The following ZFR2 variants were observed in gnomAD, a reference collection of about 807,000 sequenced individuals.
ZFR2 encodes zinc finger RNA-binding protein 2.
A neutral mutation model predicts 105.7 loss-of-function variants in ZFR2; 104 were observed. The observed-to-expected ratio is 0.98, with a 90% CI of 0.84 to 1.16. ZFR2 has a LOEUF of 1.16. Ranked by LOEUF, ZFR2 falls within the 50% of genes most tolerant of loss-of-function variation. ZFR2 has a pLI of 0.00. For missense variants in ZFR2, 1,425 were observed against 1,355.5 expected, an observed-to-expected ratio of 1.05 and a Z score of -0.80; for synonymous variants, 634 against 597.7, an observed-to-expected ratio of 1.06 and a Z score of -0.89.
At chr19:3,829,264 G>A (rs1482628327) in intron 5 of ZFR2, among the ~76,000 whole-genome samples, 2 of 151,580 alleles carry the variant, frequency 1.3e-5, no homozygotes, top group East Asian at 3.9e-4. Context: ...GCCCAGCCTG[G>A]AATTTAGCAG....
In ZFR2 at chr19:3,813,390, C is replaced by T. The variant is rs1189021595; in HGVS notation, c.2242+430G>A. Among the ~76,000 whole-genome samples, 1 of 152,140 alleles carries T rather than the reference C, an allele frequency of 6.6e-6. No individual in the cohort carries two copies. The highest frequency in any genetic ancestry group is 6.5e-5 in the Admixed American group (1 of 15,268). ...TGGCTTTAAGACCCCCGATTCCCTACATTCCTAATCAGTGGCACTGGGACT... is the reference window on the plus strand; with the variant it reads ...TGGCTTTAAGACCCCCGATTCCCTATATTCCTAATCAGTGGCACTGGGACT... On this transcript the variant is annotated intron_variant, in intron 14 of 18. Transcript: ENST00000262961. The surrounding 1 kb of genome is among the most constrained non-coding windows in gnomAD (Gnocchi z 4.4).
intron 5 of ZFR2, 53 bp downstream of exon 5, chr19:3,831,250 C>T: frequency 2.1e-6 from 3 of 1,443,240 alleles, no homozygotes; most frequent in South Asian, 1.5e-5. Flanking sequence ...CGGGTTCAGA[C>T]GTTGGGGACA....
Position 3,844,052 on chromosome 19 carries a change from G to A in ZFR2, c.54-9069C>T, listed in dbSNP as rs2145174471. Among the ~76,000 whole-genome samples, 3 of 151,454 alleles carry A rather than the reference G, an allele frequency of 2.0e-5. 1 individual carries two copies. The South Asian group carries it at 6.3e-4, about 32-fold the overall frequency. ...CCAGGGACCGGGGAGGGGAAGGGGA[G>A]TGAGTGTTTCACGGGGACAGAGCTT... is the stretch of plus-strand genomic sequence containing the variant. On this transcript the variant is annotated intron_variant, in intron 1 of 18. Transcript: ENST00000262961.
In ZFR2 at chr19:3,831,820, G is replaced by T; in HGVS notation, c.438C>A (p.Pro146=). 6.2e-7 allele frequency: 1 copy of T among 1,607,830 alleles called. No homozygotes were observed. The highest frequency in any genetic ancestry group is 2.2e-5 in the East Asian group (1 of 44,830). ...ACTCCACTATGGGCGCCTGCTGTGG[G>T]GGCTGAGCGTGGCTGTGACTGCCAT... ...SPHGSHSHAQ[P]PQQAPIVESG... The change falls in exon 4 of 19, where the codon CCC becomes CCA. Residue 146 remains proline, a synonymous_variant. Coordinates refer to ENST00000262961, the MANE Select transcript of ZFR2 (RefSeq NM_015174.2).
In ZFR2 at chr19:3,808,894, C is replaced by A; in HGVS notation, c.2523G>T (p.Val841=). The A allele has an allele frequency of 6.4e-7, 1 of 1,557,866 alleles. No individual in the cohort carries two copies. The highest frequency in any genetic ancestry group is 1.9e-5 in the Admixed American group (1 of 52,636). The part of the protein sequence containing the change: ...GDAVRRVLEC[V]ATGTLLTDGP... ...GACCTGTCAGGAGCGTCCCTGTGGC[C>A]ACGCACTCCAGGACTCGCCTGACTG... Residue 841 remains valine, a synonymous_variant, in exon 17 of 19, where the codon GTG becomes GTT. Transcript: ENST00000262961.
At position 3,833,739 on chromosome 19, in the gene ZFR2, A is replaced by T. The variant is rs2038045893; in HGVS notation, c.304T>A (p.Tyr102Asn). 6.3e-7 allele frequency: 1 copy of T among 1,582,426 alleles called. No individual in the cohort carries two copies. The change falls in exon 3 of 19, where the codon TAT (tyrosine) becomes AAT (asparagine). Residue 102 changes from tyrosine (Y) to asparagine (N), a missense_variant. Physicochemically the swap from Tyr to Asn is moderately radical, Grantham distance 143. Transcript: ENST00000262961. ...SYGQSAAARS[Y>N]EDRPYFQSAA... ...GACTGGAAGTACGGCCTGTCCTCAT[A>T]GCTCCTGGCAGCTGCTGACTGTCCG...
chr19:3,863,271 G>A (rs2145196930), intron 1 of ZFR2, among the ~76,000 whole-genome samples: 1 of 152,272 alleles, frequency 6.6e-6, no homozygotes, highest in Admixed American at 6.5e-5. Flanking sequence ...TGGGGCTGCC[G>A]AGCCTGTTCT....
At chr19:3,811,169 G>C (rs2037759702) in intron 15 of ZFR2, 103 bp downstream of exon 15, 2 of 1,160,662 alleles carry the variant, frequency 1.7e-6, no homozygotes, top group Admixed American at 2.9e-5. Context: ...TCTGCGCTGG[G>C]AGCCCACGGG....
intron 1 of ZFR2, among the ~76,000 whole-genome samples, chr19:3,847,956 G>A (rs1224727984): frequency 2.0e-5 from 3 of 152,220 alleles, no homozygotes; most frequent in Non-Finnish European, 2.9e-5. Flanking sequence ...ACAGGATGGA[G>A]ACTGGGAGGA....
At chr19:3,866,573 T>C (rs377325411) in intron 1 of ZFR2, among the ~76,000 whole-genome samples, 14 of 152,308 alleles carry the variant, frequency 9.2e-5, no homozygotes, top group African/African-American at 3.4e-4. Flanking sequence ...AATCACCTAT[T>C]TGAACAACAT....
chr19:3,806,195 G>A, intron 18 of ZFR2, 70 bp from the exon 19 acceptor site: 2 of 1,381,310 alleles, frequency 1.4e-6, no homozygotes, highest in Non-Finnish European at 1.9e-6. Flanking sequence ...ACACAGAGGG[G>A]CTGGTGTCTG....
intron 1 of ZFR2, among the ~76,000 whole-genome samples, chr19:3,862,068 GAA>G (rs754697200): frequency 2.1e-4 from 32 of 152,072 alleles, no homozygotes; most frequent in Non-Finnish European, 3.8e-4. Context: ...CCCCAGGAAA[GAA>G]CACCAATATT....
rs376532490 is a variant in ZFR2, at chr19:3,819,139, C to A, written c.1837G>T (p.Ala613Ser). ...TEQELLAVQR[A>S]VSHAERALKL... ...AGGGCCCGCTCTGCGTGGGACACGG[C>A]CCTCTGCACGGCCAGGAGCTCCTGC... Residue 613 changes from alanine (A) to serine (S), a missense_variant, in exon 12 of 19, where the codon GCC becomes TCC. Physicochemically the swap from Ala to Ser is moderately conservative, Grantham distance 99. Coordinates refer to ENST00000262961, the MANE Select transcript of ZFR2 (RefSeq NM_015174.2). The A allele has an allele frequency of 9.3e-6, 15 of 1,609,510 alleles. No individual in the cohort carries two copies. The African/African-American group carries it at 1.5e-4, about 16-fold the overall frequency.
At chr19:3,832,599 C>T (rs144886688) in intron 3 of ZFR2, among the ~76,000 whole-genome samples, 1 of 151,498 alleles carries the variant, frequency 6.6e-6, no homozygotes, top group Non-Finnish European at 1.5e-5. Flanking sequence ...GGATTACAGG[C>T]GTGAGCTGCT....
chr19:3,839,366 C>G (rs12984440), intron 1 of ZFR2, among the ~76,000 whole-genome samples: 1 of 151,680 alleles, frequency 6.6e-6, no homozygotes, highest in South Asian at 2.1e-4. Flanking sequence ...AACCCCGTCT[C>G]TATTAAAAAT....
rs1026085461 is a variant in ZFR2 at position 3,818,928 on chromosome 19, G to C, written c.1931+117C>G. ...ACTCCTGGGGCTGGAAAGCTGCCGC[G>C]GGCCACCGACGGCTCCAGGCCCATC... On this transcript the variant is annotated intron_variant, in intron 12 of 18. Transcript: ENST00000262961. The C allele has an allele frequency of 2.3e-6, 3 of 1,309,992 alleles. No individual in the cohort carries two copies. The African/African-American group carries it at 4.5e-5, about 20-fold the overall frequency. 81.1% of individuals were successfully genotyped at this position (1,309,992 alleles called of 1,614,324 possible). A position where few individuals can be genotyped will look rare whatever the true frequency, so the allele number is the denominator to read the frequency against.
intron 1 of ZFR2, among the ~76,000 whole-genome samples, chr19:3,849,228 G>A (rs919450885): frequency 6.6e-5 from 10 of 152,060 alleles, no homozygotes; most frequent in Non-Finnish European, 2.9e-5. Context: ...GAGTCCTTCA[G>A]CCCAGGACCC....
intron 6 of ZFR2, 73 bp from the exon 7 acceptor site, chr19:3,825,480 G>T: frequency 2.0e-6 from 3 of 1,501,902 alleles, no homozygotes; most frequent in African/African-American, 1.4e-5. Flanking sequence ...GAGGCAGGAA[G>T]GGCCTCCACG....
intron 1 of ZFR2, among the ~76,000 whole-genome samples, chr19:3,867,739 C>T (rs1832746376): frequency 6.6e-6 from 1 of 152,034 alleles, no homozygotes; most frequent in Non-Finnish European, 1.5e-5. Context: ...ACTGGCTTCC[C>T]GCCAAGTCTC....
Sources: allele counts gnomAD v4.1 joint callset (sites outside exome capture counted in the v4.1 genomes callset), GRCh38; gene constraint gnomAD v4.1.1; non-coding constraint Gnocchi (gnomAD v3.1); transcripts MANE v1.5; gene names NCBI Gene and HGNC (gene_info 2026-07-23, HGNC 2026-07-21).